Variants in DNAJC10 observed in about 807,000 individuals in gnomAD.
The protein encoded by DNAJC10 is endoplasmic reticulum disulfide reductase DNAJC10.
In DNAJC10, 101 loss-of-function variants were observed where a neutral mutation model predicts 115.0. The observed-to-expected ratio is 0.88, with a 90% CI of 0.75 to 1.04. The LOEUF (loss-of-function observed/expected upper bound fraction) is 1.04, where lower values mean the gene tolerates loss of function less well. Among genes scored for constraint, DNAJC10 ranks in the 50% least tolerant of loss-of-function variants. The pLI, the probability that DNAJC10 is intolerant of heterozygous loss-of-function variation, is 0.00. For missense variants in DNAJC10, 981 were observed against 928.8 expected (o/e 1.06, Z -0.73); for synonymous variants, 307 against 301.5 (o/e 1.02, Z -0.19).
rs766807519 is a variant in DNAJC10 at position 182,751,741 on chromosome 2, C to T, written c.1390C>T (p.Pro464Ser). 4 of 1,613,992 alleles carry T rather than the reference C, an allele frequency of 2.5e-6. No homozygotes were observed. The East Asian group carries it at 6.7e-5, about 27-fold the overall frequency. ...TACCACGCTTGGACCTCAAAATTTT[C>T]CTGCCAATGACAAAGAACCATGGCT... is the stretch of plus-strand genomic sequence containing the variant. ...HVTTLGPQNF[P>S]ANDKEPWLVD... The change falls in exon 15 of 24, where the codon CCT becomes TCT. Residue 464 changes from proline (P) to serine (S), a missense_variant. Coordinates refer to ENST00000264065, the MANE Select transcript of DNAJC10 (RefSeq NM_018981.4).
At chr2:182,749,202 G>C (rs1041797099) in intron 14 of DNAJC10, among the ~76,000 whole-genome samples, 3 of 139,120 alleles carry the variant, frequency 2.2e-5, no homozygotes, top group Non-Finnish European at 4.6e-5. Context: ...TTTAATTCCT[G>C]GGTATCCTTG....
In DNAJC10 at chr2:182,788,701, C is replaced by T. The variant is rs1694994217; in HGVS notation, c.*11569C>T. On this transcript the variant is annotated 3_prime_UTR_variant, in exon 24 of 24. Transcript: ENST00000264065. ...TGAGCTTATCCCACAGCACAAGTAA[C>T]GTCTATTTATCTCAGAGGAAATCCA... is the stretch of plus-strand genomic sequence containing the variant. 6 of 412,036 alleles carry T rather than the reference C, an allele frequency of 1.5e-5. No individual in the cohort carries two copies. Among genetic ancestry groups the T allele is most frequent in the Non-Finnish European group, 2.9e-5 (6 of 210,356 alleles). The allele number at this position is 412,036 out of a possible 1,614,324, so 25.5% of individuals were successfully genotyped here.
rs969679699 is a variant in DNAJC10, at chr2:182,789,968, A to G, written c.*12836A>G. The G allele has an allele frequency of 7.2e-5, 11 of 152,142 alleles. No individual in the cohort carries two copies. Among genetic ancestry groups the G allele is most frequent in the African/African-American group, 2.7e-4 (11 of 41,424 alleles). The allele number at this position is 152,142 out of a possible 1,614,324, so 9.4% of individuals were successfully genotyped here. Reference sequence around the variant, plus strand: ...CTTTGTGGGAAGTTGGTTATTTTACATTCTCATACCATGCTTTGTATTACT... The same window carrying G: ...CTTTGTGGGAAGTTGGTTATTTTACGTTCTCATACCATGCTTTGTATTACT... On this transcript the variant is annotated 3_prime_UTR_variant, in exon 24 of 24. Coordinates refer to ENST00000264065, the MANE Select transcript of DNAJC10 (RefSeq NM_018981.4).
chr2:182,751,537 A>C (rs576445053), intron 14 of DNAJC10, 121 bp from the exon 15 acceptor site: 13 of 1,201,644 alleles, frequency 1.1e-5, no homozygotes. Flanking sequence ...CTAAAACCTC[A>C]CCAAAATCAA....
At chr2:182,773,092 T>A (rs971741599) in intron 22 of DNAJC10, among the ~76,000 whole-genome samples, 3 of 152,228 alleles carry the variant, frequency 2.0e-5, no homozygotes, top group Non-Finnish European at 4.4e-5. Context: ...CCTTCACTTA[T>A]GAAGCTTAGT....
chr2:182,716,768 T>A (rs1693003688), intron 1 of DNAJC10, among the ~76,000 whole-genome samples: 1 of 152,138 alleles, frequency 6.6e-6, no homozygotes, highest in South Asian at 2.1e-4. Context: ...TCTTCATCTT[T>A]ACCCCTCTCC....
At chr2:182,732,684 G>A in intron 10 of DNAJC10, 142 bp downstream of exon 10, 1 of 747,252 alleles carries the variant, frequency 1.3e-6, no homozygotes, top group Non-Finnish European at 2.2e-6. Context: ...TGTATTCATA[G>A]CTATGTGTTT....
In DNAJC10 at chr2:182,736,322, C is replaced by T. The variant is rs1157274538; in HGVS notation, c.923C>T (p.Thr308Ile). 1 of 1,595,276 alleles carries T rather than the reference C, an allele frequency of 6.3e-7. No individual in the cohort carries two copies. Among genetic ancestry groups the T allele is most frequent in the Admixed American group, 1.8e-5 (1 of 56,570 alleles). ...DNLCKSLDIT[T>I]STTAYFPPGA... ...CTTTGTAAAAGCTTAGATATTACAA[C>T]AAGTACTACTGCTTATTTTCCTCCT... Residue 308 changes from threonine to isoleucine, a missense_variant, in exon 11 of 24, where the codon ACA (threonine) becomes ATA (isoleucine). By Grantham distance (89) the Thr-to-Ile change is moderately conservative (BLOSUM62 -1). Coordinates refer to ENST00000264065, the MANE Select transcript of DNAJC10 (RefSeq NM_018981.4).
At chr2:182,730,889 A>G (rs958360294) in intron 8 of DNAJC10, 141 bp from the exon 9 acceptor site, 1 of 567,638 alleles carries the variant, frequency 1.8e-6, no homozygotes, top group Non-Finnish European at 3.1e-6. Flanking sequence ...ACTCAAGAGT[A>G]TCTTTGGAAA....
At chr2:182,731,277 A>G (rs1393395136) in intron 9 of DNAJC10, among the ~76,000 whole-genome samples, 170 bp downstream of exon 9, 1 of 152,018 alleles carries the variant, frequency 6.6e-6, no homozygotes, top group East Asian at 1.9e-4. Context: ...TATTTTACAC[A>G]TGAGGTTATT....
chr2:182,721,600 C>A (rs1013548636), intron 4 of DNAJC10, among the ~76,000 whole-genome samples: 4 of 152,112 alleles, frequency 2.6e-5, no homozygotes, highest in Non-Finnish European at 4.4e-5. Context: ...GTCTAGTTAA[C>A]AGTGTACCAC....
chr2:182,734,127 T>G (rs571696207), intron 10 of DNAJC10, among the ~76,000 whole-genome samples: 4 of 150,968 alleles, frequency 2.6e-5, no homozygotes, highest in Non-Finnish European at 4.5e-5. Context: ...TTTCATTGAC[T>G]TAAGCACTAT....
chr2:182,770,512 C>T (rs957041342), intron 22 of DNAJC10, among the ~76,000 whole-genome samples: 2 of 152,080 alleles, frequency 1.3e-5, no homozygotes, highest in Non-Finnish European at 2.9e-5. Flanking sequence ...TTGTAGTTCT[C>T]CTTGAAGAGG....
chr2:182,742,722 C>T (rs989820023), intron 13 of DNAJC10, among the ~76,000 whole-genome samples: 2 of 152,024 alleles, frequency 1.3e-5, no homozygotes, highest in East Asian at 1.9e-4. Context: ...TTCAACTGGT[C>T]GGGGAAAAAT....
At chr2:182,753,631 G>A (rs1694083982) in intron 16 of DNAJC10, among the ~76,000 whole-genome samples, 1 of 137,744 alleles carries the variant, frequency 7.3e-6, no homozygotes, top group Admixed American at 7.8e-5. Context: ...TGTCCAGGCT[G>A]GAGTGCAGTG....
chr2:182,770,951 G>A (rs1574958129), intron 22 of DNAJC10, among the ~76,000 whole-genome samples: 1 of 152,022 alleles, frequency 6.6e-6, no homozygotes, highest in Non-Finnish European at 1.5e-5. Flanking sequence ...GGTTTGTCAT[G>A]AATAGCTCTT....
intron 3 of DNAJC10, among the ~76,000 whole-genome samples, chr2:182,719,250 C>CATTTT (rs1693079933): frequency 1.2e-5 from 1 of 83,686 alleles, no homozygotes; most frequent in African/African-American, 4.7e-5. Flanking sequence ...GGATTGTTTT[C>CATTTT]TTTTTTTTTT....
chr2:182,751,913 C>A, intron 15 of DNAJC10, 128 bp downstream of exon 15: 1 of 1,286,340 alleles, frequency 7.8e-7, no homozygotes, highest in Non-Finnish European at 1.1e-6. Context: ...GCCACTAATG[C>A]ATATTGCTTT....
intron 2 of DNAJC10, among the ~76,000 whole-genome samples, chr2:182,717,462 C>T (rs1693024122): frequency 6.6e-6 from 1 of 152,166 alleles, no homozygotes; most frequent in Admixed American, 6.5e-5. Context: ...ACTGTCATTT[C>T]TGGTAGGGTT....
Sources: gnomAD v4.1 joint callset for allele counts (sites outside exome capture counted in the v4.1 genomes callset) on GRCh38, gnomAD v4.1.1 for gene constraint, MANE v1.5 for transcripts, NCBI Gene and HGNC (gene_info 2026-07-23, HGNC 2026-07-21) for gene names.